Variants in SLC7A5 observed in about 807,000 individuals in gnomAD.
The protein encoded by SLC7A5 is solute carrier family 7 member 5, also known as large neutral amino acids transporter small subunit 1.
In SLC7A5, 23 loss-of-function variants were observed where a neutral mutation model predicts 50.2. That is an observed-to-expected ratio of 0.46 (90% CI 0.33 to 0.65). The LOEUF (loss-of-function observed/expected upper bound fraction) is 0.65. Ranked by LOEUF, SLC7A5 falls within the 30% of genes least tolerant of loss-of-function variation. The pLI, the probability that SLC7A5 is intolerant of heterozygous loss-of-function variation, is 0.02. For missense variants in SLC7A5, 578 were observed against 684.4 expected, an observed-to-expected ratio of 0.84 and a Z score of 1.73; for synonymous variants, 393 against 330.6, an observed-to-expected ratio of 1.19 and a Z score of -2.05.
In SLC7A5 at chr16:87,852,958, G is replaced by T. The variant is rs1039735655; in HGVS notation, c.539-1109C>A. 6.6e-6 allele frequency among the ~76,000 whole-genome samples: 1 copy of T among 152,210 alleles called. No homozygotes were observed. The highest frequency in any genetic ancestry group is 2.4e-5 in the African/African-American group (1 of 41,458). ...GGTTATCTGTCGCTGTCAGCAGCTT[G>T]AAATCTGCCAGTGGGAACGTCTACA... is the stretch of plus-strand genomic sequence containing the variant. On this transcript the variant is annotated intron_variant, in intron 1 of 9. Coordinates refer to ENST00000261622, the MANE Select transcript of SLC7A5 (RefSeq NM_003486.7). The surrounding 1 kb of genome is among the most constrained non-coding windows in gnomAD (Gnocchi z 4.5).
chr16:87,862,575 C>G lies in SLC7A5; in HGVS notation c.538+6310G>C, dbSNP rs1483491388. 6.6e-6 allele frequency among the ~76,000 whole-genome samples: 1 copy of G among 152,254 alleles called. No homozygotes were observed. Among genetic ancestry groups the G allele is most frequent in the Non-Finnish European group, 1.5e-5 (1 of 68,036 alleles). On this transcript the variant is annotated intron_variant, in intron 1 of 9. Coordinates refer to ENST00000261622, the MANE Select transcript of SLC7A5 (RefSeq NM_003486.7). This position sits in a 1 kb window ranked among gnomAD's most constrained non-coding sequence, Gnocchi z 5.3. Reference sequence around the variant, plus strand: ...GCTCTTCCCTCCCTCTCTTTGTTCCCTTGCTCCTTCCTTCTTTTGCCAGAG... The same window carrying G: ...GCTCTTCCCTCCCTCTCTTTGTTCCGTTGCTCCTTCCTTCTTTTGCCAGAG...
intron 2 of SLC7A5, among the ~76,000 whole-genome samples, chr16:87,847,908 G>A (rs1007314996): frequency 1.3e-5 from 2 of 152,150 alleles, no homozygotes; most frequent in Admixed American, 6.5e-5. Context: ...CGTATTTACC[G>A]CCTGGGACAC....
chr16:87,859,856 G>A (rs1441868586), intron 1 of SLC7A5, among the ~76,000 whole-genome samples: 1 of 151,982 alleles, frequency 6.6e-6, no homozygotes, highest in Non-Finnish European at 1.5e-5. Context: ...CAGGAGAATC[G>A]CTTGAACCGG....
Position 87,850,465 on chromosome 16 carries a change from C to T in SLC7A5, c.664+1259G>A, listed in dbSNP as rs1202442310. On this transcript the variant is annotated intron_variant, in intron 2 of 9. Transcript: ENST00000261622. ...TCCCCTACAGCCATGTGGGACCAGG[C>T]AGCCTCTCTGCAGCCATCGGTGACT... is the stretch of plus-strand genomic sequence containing the variant. Among the ~76,000 whole-genome samples, 25 of 152,252 alleles carry T rather than the reference C, an allele frequency of 1.6e-4. 1 individual carries two copies. Among genetic ancestry groups the T allele is most frequent in the Admixed American group, 1.6e-3 (25 of 15,290 alleles).
At position 87,832,962 on chromosome 16, in the gene SLC7A5, C is replaced by T. The variant is rs758680565; in HGVS notation, c.*8G>A. The stretch of plus-strand genomic sequence containing the variant: ...GCATGCTCCTCCGGCAGCCACTCGG[C>T]CTCCTGGCTATGTCTCCTGGGGGAC... On this transcript the variant is annotated 3_prime_UTR_variant, in exon 10 of 10. Transcript: ENST00000261622. This position sits in a 1 kb window ranked among gnomAD's most constrained non-coding sequence, Gnocchi z 4.6. 6.2e-7 allele frequency: 1 copy of T among 1,613,040 alleles called. No individual in the cohort carries two copies. The highest frequency in any genetic ancestry group is 1.7e-5 in the Admixed American group (1 of 60,024).
Position 87,869,180 on chromosome 16 carries a change from C to A in SLC7A5, c.243G>T (p.Ser81=). ...CCCACACCACCAGCGCCAGCCCCGG[C>A]GAGCCTGCCTCCTTGAGCACGCCCG... ...TPTGVLKEAG[S]PGLALVVWAA... The change falls in exon 1 of 10, where the codon TCG becomes TCT. Residue 81 remains serine, a synonymous_variant. Transcript: ENST00000261622. The A allele has an allele frequency of 1.9e-6, 3 of 1,612,312 alleles. No individual in the cohort carries two copies. Among genetic ancestry groups the A allele is most frequent in the Non-Finnish European group, 2.5e-6 (3 of 1,179,772 alleles).
chr16:87,837,733 G>T, intron 7 of SLC7A5, 112 bp downstream of exon 7: 1 of 828,566 alleles, frequency 1.2e-6, no homozygotes, highest in Non-Finnish European at 2.0e-6. Context: ...CCACATTTGA[G>T]CTGTCACCCA....
intron 2 of SLC7A5, among the ~76,000 whole-genome samples, chr16:87,842,978 T>TG (rs1329710069): frequency 1.3e-5 from 2 of 152,200 alleles, no homozygotes; most frequent in African/African-American, 4.8e-5. Context: ...TTACTTCTGC[T>TG]GGGGGGAGCA....
In SLC7A5 at chr16:87,869,233, T is replaced by C. The variant is rs746043549; in HGVS notation, c.190A>G (p.Ile64Val). 6.3e-5 allele frequency: 102 copies of C among 1,612,690 alleles called. No homozygotes were observed. Among genetic ancestry groups the C allele is most frequent in the Non-Finnish European group, 6.3e-5 (74 of 1,179,872 alleles). ...NGVAIIVGTI[I>V]GSGIFVTPTG... ...GGCGTCACGAAGATGCCCGAGCCGATAATGGTCCCCACGATGATGGCCACG... is the reference window on the plus strand; with the variant it reads ...GGCGTCACGAAGATGCCCGAGCCGACAATGGTCCCCACGATGATGGCCACG... Residue 64 changes from isoleucine to valine, a missense_variant, in exon 1 of 10, where the codon ATC becomes GTC. Ile to Val is a conservative substitution (Grantham distance 29). Coordinates refer to ENST00000261622, the MANE Select transcript of SLC7A5 (RefSeq NM_003486.7).
At chr16:87,865,480 G>A (rs533820596) in intron 1 of SLC7A5, among the ~76,000 whole-genome samples, 233 of 151,762 alleles carry the variant, frequency 1.5e-3, no homozygotes, top group African/African-American at 5.3e-3. Flanking sequence ...AGGCAGAGGC[G>A]GGTGGATCAC....
Position 87,869,271 on chromosome 16 carries a change from G to T in SLC7A5, c.152C>A (p.Thr51Lys). 6.2e-7 allele frequency: 1 copy of T among 1,612,370 alleles called. No homozygotes were observed. The highest frequency in any genetic ancestry group is 8.5e-7 in the Non-Finnish European group (1 of 1,179,838). Residue 51 changes from threonine (T) to lysine (K), a missense_variant, in exon 1 of 10, where the codon ACG (threonine) becomes AAG (lysine). This residue lies in a region of SLC7A5 where 113 missense variants were observed against 89.8 expected (regional missense o/e 1.26). Coordinates refer to ENST00000261622, the MANE Select transcript of SLC7A5 (RefSeq NM_003486.7). Reference sequence around the variant, plus strand: ...GATGATGGCCACGCCGTTGAGCAGCGTGATGTTCCGCTGCAGGGTCACGCC... The same window carrying T: ...GATGATGGCCACGCCGTTGAGCAGCTTGATGTTCCGCTGCAGGGTCACGCC... ...GEGVTLQRNI[T>K]LLNGVAIIVG...
At chr16:87,857,621 G>A (rs2055337668) in intron 1 of SLC7A5, among the ~76,000 whole-genome samples, 1 of 152,214 alleles carries the variant, frequency 6.6e-6, no homozygotes, top group Admixed American at 6.5e-5. Context: ...TTGATGCCCA[G>A]TCTCTGCAGA....
chr16:87,863,179 T>C (rs2055420394), intron 1 of SLC7A5, among the ~76,000 whole-genome samples: 1 of 152,140 alleles, frequency 6.6e-6, no homozygotes, highest in Non-Finnish European at 1.5e-5. Context: ...CAGGGTATCT[T>C]CTCCACGATG....
chr16:87,840,794 C>T (rs2143737081), intron 3 of SLC7A5, among the ~76,000 whole-genome samples: 1 of 152,332 alleles, frequency 6.6e-6, no homozygotes, highest in African/African-American at 2.4e-5. Flanking sequence ...GCCGCCTCCA[C>T]CTGCCACCTT....
intron 2 of SLC7A5, among the ~76,000 whole-genome samples, chr16:87,848,268 T>C (rs975937458): frequency 3.3e-5 from 5 of 152,240 alleles, no homozygotes; most frequent in Admixed American, 2.0e-4. Context: ...GAGATTAGTT[T>C]GTTCTGCCGC....
At chr16:87,863,055 C>T (rs578144037) in intron 1 of SLC7A5, among the ~76,000 whole-genome samples, 1 of 152,352 alleles carries the variant, frequency 6.6e-6, no homozygotes, top group South Asian at 2.1e-4. Flanking sequence ...CATGCTTCAC[C>T]CAACTGGGAC....
intron 1 of SLC7A5, among the ~76,000 whole-genome samples, chr16:87,867,533 C>T (rs1476461808): frequency 2.0e-5 from 3 of 152,106 alleles, no homozygotes; most frequent in African/African-American, 7.2e-5. Flanking sequence ...GGCATTCTCA[C>T]ATTTATGAAG....
chr16:87,832,820 C>T lies in SLC7A5; in HGVS notation c.*150G>A. The T allele has an allele frequency of 2.8e-6, 2 of 710,734 alleles. No homozygotes were observed. Among genetic ancestry groups the T allele is most frequent in the South Asian group, 3.0e-5 (2 of 67,034 alleles). 44.0% of individuals were successfully genotyped at this position (710,734 alleles called of 1,614,324 possible). On this transcript the variant is annotated 3_prime_UTR_variant, in exon 10 of 10. Transcript: ENST00000261622. The surrounding 1 kb of genome is among the most constrained non-coding windows in gnomAD (Gnocchi z 4.6). ...GAGATTCGTACCAGAGTTTTCACAGCAGCCTCCACTGCCCGACCTGGGAGG... is the reference window on the plus strand; with the variant it reads ...GAGATTCGTACCAGAGTTTTCACAGTAGCCTCCACTGCCCGACCTGGGAGG...
At chr16:87,851,533 G>T (rs1055407710) in intron 2 of SLC7A5, among the ~76,000 whole-genome samples, 191 bp downstream of exon 2, 1 of 152,246 alleles carries the variant, frequency 6.6e-6, no homozygotes. Flanking sequence ...TGTCCCACGG[G>T]AGCACTCCTG....
Sources: allele counts gnomAD v4.1 joint callset (sites outside exome capture counted in the v4.1 genomes callset), GRCh38; gene constraint gnomAD v4.1.1; regional missense constraint gnomAD v4.1.1; non-coding constraint Gnocchi (gnomAD v3.1); transcripts MANE v1.5; gene names NCBI Gene and HGNC (gene_info 2026-07-23, HGNC 2026-07-21).